Variants in SZRD1 observed in about 807,000 individuals in gnomAD.
The protein encoded by SZRD1 is SUZ RNA-binding domain-containing.
In SZRD1, 7 loss-of-function variants were observed where a neutral mutation model predicts 17.6. The ratio of observed to expected loss-of-function variants is 0.40; its 90% CI spans 0.23 to 0.75. SZRD1 has a LOEUF of 0.75. Among genes scored for constraint, SZRD1 ranks in the 30% least tolerant of loss-of-function variants. SZRD1 has a pLI of 0.38. For synonymous variants in SZRD1, 77 were observed against 77.9 expected (o/e 0.99, Z 0.06); for missense variants, 178 against 201.8 (o/e 0.88, Z 0.71).
chr1:16,387,471 A>G (rs1195214807), intron 1 of SZRD1: 2 of 453,788 alleles, frequency 4.4e-6, no homozygotes, highest in Non-Finnish European at 8.9e-6. Context: ...GCATTGCCAT[A>G]AAAATACTGA....
At position 16,393,718 on chromosome 1, in the gene SZRD1, C is replaced by A. The variant is rs117420963; in HGVS notation, c.356+236C>A. Among the ~76,000 whole-genome samples the A allele has an allele frequency of 6.6e-6, 1 of 152,278 alleles. No homozygotes were observed. Among genetic ancestry groups the A allele is most frequent in the East Asian group, 1.9e-4 (1 of 5,182 alleles). On this transcript the variant is annotated intron_variant, in intron 3 of 3. Coordinates refer to ENST00000401088, the MANE Select transcript of SZRD1 (RefSeq NM_001114600.3). This position sits in a 1 kb window ranked among gnomAD's most constrained non-coding sequence, Gnocchi z 5.6. ...GCAGTTTGCTGGCATGCTCCCTCTGCGGTTGGTAGTCACCGGGGGCACTGT... is the reference window on the plus strand; with the variant it reads ...GCAGTTTGCTGGCATGCTCCCTCTGAGGTTGGTAGTCACCGGGGGCACTGT...
rs116581964 is a variant in SZRD1, at chr1:16,386,223, T to C, written c.52-5152T>C. Among the ~76,000 whole-genome samples, 454 of 152,350 alleles carry C rather than the reference T, an allele frequency of 3.0e-3. 3 individuals carry two copies. Among genetic ancestry groups the C allele is most frequent in the African/African-American group, 0.01 (434 of 41,590 alleles). On this transcript the variant is annotated intron_variant, in intron 1 of 3. Coordinates refer to ENST00000401088, the MANE Select transcript of SZRD1 (RefSeq NM_001114600.3). The stretch of plus-strand genomic sequence containing the variant: ...GTGTGGTATGCTTGTGCCCTAGCAC[T>C]TGCCTTGTGCCCACTCACAGCAGTC...
rs889717441 is a variant in SZRD1 at position 16,391,920 on chromosome 1, C to T, written c.101+496C>T. ...AAAATAGCTTTGTTTTCCACCTAGA[C>T]GACAGAGGAGGGTGTTTCCAGAGTA... On this transcript the variant is annotated intron_variant, in intron 2 of 3. Coordinates refer to ENST00000401088, the MANE Select transcript of SZRD1 (RefSeq NM_001114600.3). The surrounding 1 kb of genome is among the most constrained non-coding windows in gnomAD (Gnocchi z 4.3). 2.0e-4 allele frequency among the ~76,000 whole-genome samples: 31 copies of T among 152,048 alleles called. 1 individual carries two copies. Among genetic ancestry groups the T allele is most frequent in the Admixed American group, 1.6e-3 (24 of 15,264 alleles).
intron 1 of SZRD1, among the ~76,000 whole-genome samples, chr1:16,377,562 CAAAAAAA>C (rs34066824): frequency 4.8e-5 from 3 of 62,056 alleles, no homozygotes; most frequent in Non-Finnish European, 9.4e-5. Flanking sequence ...GACTCTGTCT[CAAAAAAA>C]AAAAAAAAAA....
At chr1:16,382,262 A>G (rs1182377651) in intron 1 of SZRD1, among the ~76,000 whole-genome samples, 9 of 151,506 alleles carry the variant, frequency 5.9e-5, no homozygotes, top group Admixed American at 3.9e-4. Context: ...ATCTCAGCTC[A>G]CTGCAGCCTC....
At position 16,396,312 on chromosome 1, in the gene SZRD1, C is replaced by T. The variant is rs1296191991; in HGVS notation, c.*1172C>T. On this transcript the variant is annotated 3_prime_UTR_variant, in exon 4 of 4. Transcript: ENST00000401088. Reference sequence around the variant, plus strand: ...CTCAGTAACTATACCTGGTACATTTCCTGTGTGCAATCAGTACCTTGAAGG... The same window carrying T: ...CTCAGTAACTATACCTGGTACATTTTCTGTGTGCAATCAGTACCTTGAAGG... 5 of 152,224 alleles carry T rather than the reference C, an allele frequency of 3.3e-5. No homozygotes were observed. Among genetic ancestry groups the T allele is most frequent in the Non-Finnish European group, 5.9e-5 (4 of 68,088 alleles). The allele number at this position is 152,224 out of a possible 1,614,324, so 9.4% of individuals were successfully genotyped here.
At chr1:16,394,329 T>A (rs2100754118) in intron 3 of SZRD1, among the ~76,000 whole-genome samples, 1 of 152,162 alleles carries the variant, frequency 6.6e-6, no homozygotes, top group East Asian at 1.9e-4. Flanking sequence ...GAGGGAAGAA[T>A]TGGGGGGCGG....
intron 3 of SZRD1, among the ~76,000 whole-genome samples, chr1:16,394,514 A>G (rs2085273972): frequency 6.6e-6 from 1 of 152,054 alleles, no homozygotes; most frequent in African/African-American, 2.4e-5. Flanking sequence ...GAGCAGGGGG[A>G]AAGGATGCTG....
chr1:16,389,365 C>T (rs1457447164), intron 1 of SZRD1, among the ~76,000 whole-genome samples: 2 of 151,966 alleles, frequency 1.3e-5, no homozygotes, highest in Non-Finnish European at 2.9e-5. Flanking sequence ...CCCGGGTTCA[C>T]GCCATTCTCC....
chr1:16,386,383 A>G (rs910170849), intron 1 of SZRD1, among the ~76,000 whole-genome samples: 1 of 152,212 alleles, frequency 6.6e-6, no homozygotes, highest in African/African-American at 2.4e-5. Flanking sequence ...TCAGGCCTGC[A>G]TCTAGATGCT....
At chr1:16,390,978 A>G (rs1253431084) in intron 1 of SZRD1, among the ~76,000 whole-genome samples, 1 of 152,188 alleles carries the variant, frequency 6.6e-6, no homozygotes, top group Non-Finnish European at 1.5e-5. Context: ...GGTTTAAAGT[A>G]GGGAAGTGAC....
intron 1 of SZRD1, among the ~76,000 whole-genome samples, chr1:16,375,304 G>A (rs1311919037): frequency 6.6e-6 from 1 of 151,608 alleles, no homozygotes; most frequent in African/African-American, 2.4e-5. Flanking sequence ...TAGTCTGTAT[G>A]GAGACAGATA....
intron 1 of SZRD1, among the ~76,000 whole-genome samples, chr1:16,379,452 A>C (rs1436575128): frequency 1.3e-5 from 2 of 152,206 alleles, no homozygotes; most frequent in Non-Finnish European, 2.9e-5. Context: ...GTGCAGTCAG[A>C]GGCAAATCAC....
chr1:16,373,377 C>A (rs921809194), intron 1 of SZRD1, among the ~76,000 whole-genome samples: 1 of 151,612 alleles, frequency 6.6e-6, no homozygotes, highest in Non-Finnish European at 1.5e-5. Flanking sequence ...GTCAGGAGTT[C>A]GAGACCAGCT....
In SZRD1 at chr1:16,385,417, A is replaced by G. The variant is rs11260741; in HGVS notation, c.52-5958A>G. On this transcript the variant is annotated intron_variant, in intron 1 of 3. Transcript: ENST00000401088. Reference sequence around the variant, plus strand: ...CAGTCCCCCAGGGCATCATCACCCCAGGCTGTTGTGTAAACATTCGTACCT... The same window carrying G: ...CAGTCCCCCAGGGCATCATCACCCCGGGCTGTTGTGTAAACATTCGTACCT... Among the ~76,000 whole-genome samples, 1,381 of 152,262 alleles carry G rather than the reference A, an allele frequency of 9.1e-3. 16 individuals carry two copies. The highest frequency in any genetic ancestry group is 0.032 in the African/African-American group (1,325 of 41,540).
At chr1:16,374,914 G>A (rs2100701447) in intron 1 of SZRD1, among the ~76,000 whole-genome samples, 1 of 152,318 alleles carries the variant, frequency 6.6e-6, no homozygotes, top group South Asian at 2.1e-4. Context: ...GTCTAGCTCT[G>A]TCGCCGAGGC....
chr1:16,380,903 A>G (rs377150395), intron 1 of SZRD1, among the ~76,000 whole-genome samples: 2 of 149,472 alleles, frequency 1.3e-5, no homozygotes, highest in East Asian at 1.9e-4. Context: ...CACTGCACCC[A>G]GCCCCTCATC....
intron 1 of SZRD1, among the ~76,000 whole-genome samples, chr1:16,383,619 T>C (rs996264104): frequency 1.3e-5 from 2 of 150,326 alleles, no homozygotes; most frequent in African/African-American, 4.9e-5. Flanking sequence ...TCTTTCTTTT[T>C]TTCCTTTTTT....
intron 3 of SZRD1, among the ~76,000 whole-genome samples, 165 bp from the exon 4 acceptor site, chr1:16,394,873 T>C (rs2085282465): frequency 6.6e-6 from 1 of 152,154 alleles, no homozygotes. Flanking sequence ...GAGGATCACT[T>C]GAACTCAGGA....
Sources: gnomAD v4.1 joint callset for allele counts (sites outside exome capture counted in the v4.1 genomes callset) on GRCh38, gnomAD v4.1.1 for gene constraint, Gnocchi (gnomAD v3.1) non-coding constraint, MANE v1.5 for transcripts, NCBI Gene and HGNC (gene_info 2026-07-23, HGNC 2026-07-21) for gene names.